RGS1: variants seen among roughly 807,000 people sequenced by gnomAD.
RGS1 encodes the protein B-cell activation protein BL34.
RGS1 carries 11 observed loss-of-function variants against 22.2 expected under a neutral mutation model. The ratio of observed to expected loss-of-function variants is 0.50; its 90% confidence interval spans 0.31 to 0.82. RGS1 has a LOEUF of 0.82. RGS1 is among the 40% of genes least tolerant of loss of function. The pLI, the probability that RGS1 is intolerant of heterozygous loss-of-function variation, is 0.04. For synonymous variants in RGS1, 81 were observed against 79.9 expected, an observed-to-expected ratio of 1.01 and a Z score of -0.07; for missense variants, 255 against 245.8, an observed-to-expected ratio of 1.04 and a Z score of -0.25.
chr1:192,576,241 G>A (rs781645187), intron 1 of RGS1, 44 bp from the exon 2 acceptor site: 2 of 1,386,724 alleles, frequency 1.4e-6, no homozygotes, highest in Admixed American at 3.6e-5. Context: ...CAAATAAAAT[G>A]AATTCTGAAG....
chr1:192,577,869 C>T (rs923799247), intron 3 of RGS1: 83 of 206,030 alleles, frequency 4.0e-4, no homozygotes, highest in African/African-American at 1.7e-3. Context: ...TCCTAAAATA[C>T]TCTCTACTCT....
rs2102320816 is a variant in RGS1, at chr1:192,579,431, C to A, written c.*109C>A. 1 of 918,416 alleles carries A rather than the reference C, an allele frequency of 1.1e-6. No individual in the cohort carries two copies. The highest frequency in any genetic ancestry group is 1.7e-6 in the Non-Finnish European group (1 of 597,540). 56.9% of individuals were successfully genotyped at this position (918,416 alleles called of 1,614,324 possible). A position where few individuals can be genotyped will look rare whatever the true frequency, so the allele number is the denominator to read the frequency against. On this transcript the variant is annotated 3_prime_UTR_variant, in exon 5 of 5. Coordinates refer to ENST00000367459, the MANE Select transcript of RGS1 (RefSeq NM_002922.4). ...GCCTTTTTTGGGTGTCTTGACAGGCCAAGAAGAACAAATGACTCAGAATGG... is the reference window on the plus strand; with the variant it reads ...GCCTTTTTTGGGTGTCTTGACAGGCAAAGAAGAACAAATGACTCAGAATGG...
In RGS1 at chr1:192,575,879, C is replaced by T. The variant is rs1258151012; in HGVS notation, c.87C>T (p.Thr29=). Residue 29 remains threonine (T), a synonymous_variant, in exon 1 of 5, where the codon ACC becomes ACT. Coordinates refer to ENST00000367459, the MANE Select transcript of RGS1 (RefSeq NM_002922.4). ...CTAACCCAAAGGAATTGAAAGGAAC[C>T]ACTCATTCACTTCTAGACGACAAAA... is the stretch of plus-strand genomic sequence containing the variant. ...FSANPKELKG[T]THSLLDDKMQ... 2 of 1,613,282 alleles carry T rather than the reference C, an allele frequency of 1.2e-6. No individual in the cohort carries two copies. Among genetic ancestry groups the T allele is most frequent in the South Asian group, 1.1e-5 (1 of 91,048 alleles).
chr1:192,576,906 T>C lies in RGS1; in HGVS notation c.280+71T>C. The C allele has an allele frequency of 4.5e-6, 6 of 1,321,298 alleles. No individual in the cohort carries two copies. In the South Asian group the frequency reaches 7.2e-5, roughly 16 times the overall value. 81.8% of individuals were successfully genotyped at this position (1,321,298 alleles called of 1,614,324 possible). On this transcript the variant is annotated intron_variant, in intron 3 of 4. Coordinates refer to ENST00000367459, the MANE Select transcript of RGS1 (RefSeq NM_002922.4). ...AAAAATTGAATGGCTTCACTAAATATAGTATTCTGGGTAGGATAGTATGCA... is the reference window on the plus strand; with the variant it reads ...AAAAATTGAATGGCTTCACTAAATACAGTATTCTGGGTAGGATAGTATGCA...
At chr1:192,576,615 A>T (rs1662065245) in intron 2 of RGS1, 159 bp from the exon 3 acceptor site, 1 of 703,820 alleles carries the variant, frequency 1.4e-6, no homozygotes, top group Non-Finnish European at 2.2e-6. Flanking sequence ...AACTATAGTA[A>T]CTCTAAGGGA....
intron 3 of RGS1, chr1:192,577,868 ACT>A (rs2102319783): frequency 4.8e-6 from 1 of 206,654 alleles, no homozygotes; most frequent in East Asian, 1.2e-4. Context: ...TTCCTAAAAT[ACT>A]CTCTACTCTG....
chr1:192,579,070 A>C (rs909013026), intron 4 of RGS1, 67 bp from the exon 5 acceptor site: 4 of 1,486,764 alleles, frequency 2.7e-6, no homozygotes, highest in East Asian at 4.6e-5. Flanking sequence ...TGTTTCAAAA[A>C]ACAGTAACAT....
At position 192,579,691 on chromosome 1, in the gene RGS1, T is replaced by G; in HGVS notation, c.*369T>G. The G allele has an allele frequency of 5.5e-6, 1 of 180,626 alleles. No homozygotes were observed. Among genetic ancestry groups the G allele is most frequent in the Non-Finnish European group, 1.1e-5 (1 of 87,452 alleles). 11.2% of individuals were successfully genotyped at this position (180,626 alleles called of 1,614,324 possible). On this transcript the variant is annotated 3_prime_UTR_variant, in exon 5 of 5. Coordinates refer to ENST00000367459, the MANE Select transcript of RGS1 (RefSeq NM_002922.4). The stretch of plus-strand genomic sequence containing the variant: ...AAGAATCAAAGTCAACTGACATCTA[T>G]GCTACATATTATTATATAGTTTGTA...
rs199651205 is a variant in RGS1 at position 192,575,796 on chromosome 1, C to G, written c.4C>G (p.Arg2Gly). The G allele has an allele frequency of 3.0e-5, 49 of 1,612,998 alleles. No homozygotes were observed. The highest frequency in any genetic ancestry group is 4.2e-5 in the Non-Finnish European group (49 of 1,179,216). Residue 2 changes from arginine to glycine, a missense_variant, in exon 1 of 5, where the codon CGC becomes GGC. By Grantham distance (125) the Arg-to-Gly change is moderately radical. Coordinates refer to ENST00000367459, the MANE Select transcript of RGS1 (RefSeq NM_002922.4). Reference protein sequence around the residue: MRAAAISTPKLD... With the variant: MGAAAISTPKLD... ...GCGCATATTTGCTAAGAGCACCATG[C>G]GCGCAGCAGCCATCTCCACTCCAAA...
chr1:192,579,169 A>T lies in RGS1; in HGVS notation c.477A>T (p.Thr159=). 6.2e-7 allele frequency: 1 copy of T among 1,613,120 alleles called. No homozygotes were observed. The highest frequency in any genetic ancestry group is 8.5e-7 in the Non-Finnish European group (1 of 1,179,388). Residue 159 remains threonine, a synonymous_variant, in exon 5 of 5, where the codon ACA becomes ACT. Coordinates refer to ENST00000367459, the MANE Select transcript of RGS1 (RefSeq NM_002922.4). ...TTGACTTCCGCACTCGAGAATCTAC[A>T]GCCAAGAAGATTAAAGCACCAACCC... ...INIDFRTRES[T]AKKIKAPTPT...
chr1:192,578,657 T>A, intron 4 of RGS1: 1 of 517,278 alleles, frequency 1.9e-6, no homozygotes, highest in Non-Finnish European at 3.4e-6. Context: ...TGACCAGAAC[T>A]GCATGTCAGG....
In RGS1 at chr1:192,576,287, G is replaced by T; in HGVS notation, c.140G>T (p.Gly47Val). Residue 47 changes from glycine to valine, a missense_variant and splice_region_variant, in exon 2 of 5, where the codon GGA becomes GTA. By Grantham distance (109) the Gly-to-Val change is moderately radical. Transcript: ENST00000367459. ...ATTCACTTTTATGTCTTTTGTAGTG[G>T]AATGGATATGAAAGCATACCTGAGA... ...KMQKRRPKTF[G>V]MDMKAYLRSM... is the part of the protein sequence containing the mutation. 2 of 1,601,286 alleles carry T rather than the reference G, an allele frequency of 1.2e-6. No individual in the cohort carries two copies. Among genetic ancestry groups the T allele is most frequent in the Non-Finnish European group, 8.5e-7 (1 of 1,169,886 alleles).
At chr1:192,578,163 T>C in intron 3 of RGS1, 59 bp from the exon 4 acceptor site, 8 of 1,542,578 alleles carry the variant, frequency 5.2e-6, no homozygotes, top group East Asian at 4.5e-5. Context: ...CTTCAAATTA[T>C]TCATTTGTTG....
chr1:192,578,977 A>C (rs1571549625), intron 4 of RGS1, 160 bp from the exon 5 acceptor site: 1 of 662,272 alleles, frequency 1.5e-6, no homozygotes, highest in East Asian at 2.8e-5. Flanking sequence ...TCTCCTTCAC[A>C]CCTAGTATAG....
intron 3 of RGS1, chr1:192,577,922 G>T (rs10921202): frequency 0.058 from 19,237 of 329,238 alleles, 682 homozygotes; most frequent in South Asian, 0.084. Flanking sequence ...TATATTCAGT[G>T]GAGCAGAATT....
chr1:192,577,742 G>C (rs1156896795), intron 3 of RGS1: 1 of 160,152 alleles, frequency 6.2e-6, no homozygotes, highest in East Asian at 1.8e-4. Context: ...AACATAATTA[G>C]TACATCAGGC....
At position 192,575,853 on chromosome 1, in the gene RGS1, G is replaced by A. The variant is rs748501879; in HGVS notation, c.61G>A (p.Ala21Thr). The A allele has an allele frequency of 9.9e-6, 16 of 1,613,244 alleles. No individual in the cohort carries two copies. Among genetic ancestry groups the A allele is most frequent in the South Asian group, 2.2e-5 (2 of 91,060 alleles). The change falls in exon 1 of 5, where the codon GCT (alanine) becomes ACT (threonine). Residue 21 changes from alanine (A) to threonine (T), a missense_variant. By Grantham distance (58) the Ala-to-Thr change is moderately conservative. Transcript: ENST00000367459. ...LDKMPGMFFS[A>T]NPKELKGTTH... ...CAAAATGCCAGGAATGTTCTTCTCT[G>A]CTAACCCAAAGGAATTGAAAGGAAC...
intron 2 of RGS1, 55 bp from the exon 3 acceptor site, chr1:192,576,719 A>G: frequency 4.1e-6 from 6 of 1,452,078 alleles, no homozygotes; most frequent in Non-Finnish European, 4.8e-6. Flanking sequence ...TTCTTATTTC[A>G]TTTGTGCTTA....
Position 192,579,282 on chromosome 1 carries a change from T to C in RGS1, c.590T>C (p.Leu197Ser). The C allele has an allele frequency of 6.2e-7, 1 of 1,612,972 alleles. No individual in the cohort carries two copies. The highest frequency in any genetic ancestry group is 8.5e-7 in the Non-Finnish European group (1 of 1,179,306). ...AGGTTCCTCAAATCAGATATTTACT[T>C]AAATCTTCTAAATGACCTGCAGGCT... ...YPRFLKSDIY[L>S]NLLNDLQANS... is the part of the protein sequence containing the mutation. The change falls in exon 5 of 5, where the codon TTA becomes TCA. Residue 197 changes from leucine to serine, a missense_variant. Physicochemically the swap from Leu to Ser is moderately radical, Grantham distance 145. Transcript: ENST00000367459.
Sources: allele counts gnomAD v4.1 joint callset, GRCh38; gene constraint gnomAD v4.1.1; transcripts MANE v1.5; gene names NCBI Gene and HGNC (gene_info 2026-07-23, HGNC 2026-07-21).